Variants in FOXP2 observed in about 807,000 individuals in gnomAD.
FOXP2 encodes forkhead box protein P2.
FOXP2 carries 12 observed loss-of-function variants against 115.8 expected under a neutral mutation model. That is an observed-to-expected ratio of 0.10 (90% CI 0.07 to 0.17). The LOEUF (loss-of-function observed/expected upper bound fraction) is 0.17, where lower values mean the gene tolerates loss of function less well. Ranked by LOEUF, FOXP2 falls within the 10% of genes least tolerant of loss-of-function variation. FOXP2 has a pLI of 1.00. For missense variants in FOXP2, 629 were observed against 843.5 expected, an observed-to-expected ratio of 0.75 and a Z score of 3.15; for synonymous variants, 328 against 297.7, an observed-to-expected ratio of 1.10 and a Z score of -1.05.
intron 2 of FOXP2, among the ~76,000 whole-genome samples, chr7:114,395,821 C>G (rs924211658): frequency 6.6e-6 from 1 of 151,576 alleles, no homozygotes; most frequent in Non-Finnish European, 1.5e-5. Context: ...ATTTTTATGA[C>G]TGAATGGTAA....
At chr7:114,326,096 T>C (rs1370059862) in intron 2 of FOXP2, among the ~76,000 whole-genome samples, 2 of 152,128 alleles carry the variant, frequency 1.3e-5, no homozygotes, top group African/African-American at 4.8e-5. Context: ...AATTAGTTCA[T>C]TCATGGTCTG....
At chr7:114,142,013 T>G (rs1257367741) in intron 1 of FOXP2, among the ~76,000 whole-genome samples, 1 of 151,268 alleles carries the variant, frequency 6.6e-6, no homozygotes, top group East Asian at 2.0e-4. Flanking sequence ...TTTTTAGAAA[T>G]GTTTTAAAGA....
At chr7:114,676,892 T>G (rs1807798736) in intron 16 of FOXP2, among the ~76,000 whole-genome samples, 1 of 152,174 alleles carries the variant, frequency 6.6e-6, no homozygotes, top group South Asian at 2.1e-4. Flanking sequence ...ATATTGTAGA[T>G]ATGAGTCATA....
intron 1 of FOXP2, among the ~76,000 whole-genome samples, chr7:114,108,542 AT>A (rs1198002270): frequency 5.3e-4 from 81 of 151,900 alleles, no homozygotes; most frequent in African/African-American, 1.9e-3. Context: ...TTCTTGGAGG[AT>A]TTTTCTTAGA....
intron 2 of FOXP2, among the ~76,000 whole-genome samples, chr7:114,437,159 A>G (rs1367687565): frequency 6.6e-6 from 1 of 151,998 alleles, no homozygotes; most frequent in Non-Finnish European, 1.5e-5. Flanking sequence ...GAGGTATTTT[A>G]TTGTGGTTGA....
chr7:114,516,432 C>T (rs542152742), intron 2 of FOXP2, among the ~76,000 whole-genome samples: 6 of 152,174 alleles, frequency 3.9e-5, no homozygotes, highest in Admixed American at 6.5e-5. Context: ...AAGACTGAAA[C>T]GTTACACCTA....
chr7:114,417,646 C>T (rs1218705222), intron 1 of FOXP2, among the ~76,000 whole-genome samples: 2 of 151,908 alleles, frequency 1.3e-5, no homozygotes, highest in Non-Finnish European at 2.9e-5. Context: ...CTGTTCACAC[C>T]AGCCCTTTGG....
At chr7:114,137,892 G>A (rs1792084873) in intron 1 of FOXP2, among the ~76,000 whole-genome samples, 1 of 152,088 alleles carries the variant, frequency 6.6e-6, no homozygotes, top group African/African-American at 2.4e-5. Flanking sequence ...GGGCCTAGAA[G>A]CAACAGACAT....
At chr7:114,169,572 C>T (rs530675790) in intron 1 of FOXP2, among the ~76,000 whole-genome samples, 1 of 152,220 alleles carries the variant, frequency 6.6e-6, no homozygotes, top group Non-Finnish European at 1.5e-5. Context: ...GGGGAAGGGA[C>T]TTGGCTTGTC....
intron 2 of FOXP2, among the ~76,000 whole-genome samples, chr7:114,434,736 T>G (rs1794266691): frequency 6.6e-6 from 1 of 152,144 alleles, no homozygotes; most frequent in Admixed American, 6.5e-5. Context: ...CAACTGGTAC[T>G]GTCAAATTAA....
At chr7:114,297,116 T>G (rs1387098146) in intron 2 of FOXP2, 1 of 469,128 alleles carries the variant, frequency 2.1e-6, no homozygotes, top group Non-Finnish European at 4.3e-6. Flanking sequence ...GGGGGCTCAG[T>G]CTTTCTTGGC....
At chr7:114,373,952 A>G (rs1445303391) in intron 2 of FOXP2, among the ~76,000 whole-genome samples, 2 of 152,166 alleles carry the variant, frequency 1.3e-5, no homozygotes, top group Non-Finnish European at 2.9e-5. Flanking sequence ...TTTGCCTCAT[A>G]GAAGCTGTTA....
At chr7:114,487,522 GC>G (rs1199784386) in intron 2 of FOXP2, among the ~76,000 whole-genome samples, 1 of 152,170 alleles carries the variant, frequency 6.6e-6, no homozygotes, top group Non-Finnish European at 1.5e-5. Flanking sequence ...TCTGCTGCCA[GC>G]TTGAATTTCT....
intron 2 of FOXP2, among the ~76,000 whole-genome samples, chr7:114,353,795 A>G (rs958935755): frequency 5.9e-5 from 9 of 152,074 alleles, no homozygotes; most frequent in African/African-American, 1.4e-4. Flanking sequence ...TGCATAGCTC[A>G]TAGTCTTCTG....
At chr7:114,471,822 T>C (rs1433415537) in intron 2 of FOXP2, among the ~76,000 whole-genome samples, 1 of 151,462 alleles carries the variant, frequency 6.6e-6, no homozygotes, top group Non-Finnish European at 1.5e-5. Context: ...TAGCTGGGCA[T>C]GGTGGCGGGC....
intron 3 of FOXP2, among the ~76,000 whole-genome samples, chr7:114,626,197 G>A (rs1358383715): frequency 1.3e-5 from 2 of 151,752 alleles, no homozygotes; most frequent in African/African-American, 2.4e-5. Flanking sequence ...AACTTGTGTA[G>A]TGTAAGGACT....
rs143904730 is a variant in FOXP2, at chr7:114,576,719, T to C, written c.258+42013T>C. Among the ~76,000 whole-genome samples, 545 of 152,040 alleles carry C rather than the reference T, an allele frequency of 3.6e-3. 4 individuals are homozygous for C. The highest frequency in any genetic ancestry group is 0.012 in the African/African-American group (500 of 41,550). On this transcript the variant is annotated intron_variant, in intron 3 of 16. Coordinates refer to ENST00000350908, the MANE Select transcript of FOXP2 (RefSeq NM_014491.4). ...AAAGTTATTTGTAATGAGCTATTAG[T>C]GATAGTCTCTACAAATATGACATAT... is the stretch of plus-strand genomic sequence containing the variant.
intron 2 of FOXP2, among the ~76,000 whole-genome samples, chr7:114,394,001 TGTGTGAGAGA>T (rs775720941): frequency 2.8e-4 from 29 of 102,340 alleles, no homozygotes; most frequent in Non-Finnish European, 3.9e-4. Context: ...TGTGTGTGTG[TGTGTGAGAGA>T]GAGAGAGAGA....
Position 114,449,635 on chromosome 7 carries a change from C to G in FOXP2, c.168+22956C>G, listed in dbSNP as rs1794985808. Among the ~76,000 whole-genome samples the G allele has an allele frequency of 3.3e-5, 5 of 152,040 alleles. No individual in the cohort carries two copies. In the South Asian group the frequency reaches 1.0e-3, roughly 31 times the overall value. On this transcript the variant is annotated intron_variant, in intron 2 of 16. Coordinates refer to ENST00000350908, the MANE Select transcript of FOXP2 (RefSeq NM_014491.4). ...CTTTGAATAGAATCTTGAATACTCA[C>G]CAGTATTCCAGCATAGAATGCATAG...
Sources: gnomAD v4.1 joint callset for allele counts (sites outside exome capture counted in the v4.1 genomes callset) on GRCh38, gnomAD v4.1.1 for gene constraint, MANE v1.5 for transcripts, NCBI Gene and HGNC (gene_info 2026-07-23, HGNC 2026-07-21) for gene names.